Variants in FGF9 observed in about 807,000 individuals in gnomAD.
FGF9 encodes fibroblast growth factor 9.
Under a neutral mutation model 19.9 loss-of-function variants are expected in FGF9, and 3 were observed. That is an observed-to-expected ratio of 0.15 (90% CI 0.07 to 0.39). The LOEUF is 0.39. FGF9 is among the 10% of genes least tolerant of loss of function. FGF9 has a pLI of 1.00. For synonymous variants in FGF9, 107 were observed against 106.9 expected, an observed-to-expected ratio of 1.00 and a Z score of -0.01; for missense variants, 175 against 256.8, an observed-to-expected ratio of 0.68 and a Z score of 2.18.
At chr13:21,676,572 A>G (rs1313571767) in intron 1 of FGF9, among the ~76,000 whole-genome samples, 1 of 152,208 alleles carries the variant, frequency 6.6e-6, no homozygotes, top group Non-Finnish European at 1.5e-5. Context: ...ACAGATCCGA[A>G]CTTACCCCGG....
At chr13:21,680,797 G>A (rs1048976542) in intron 1 of FGF9, among the ~76,000 whole-genome samples, 1 of 152,048 alleles carries the variant, frequency 6.6e-6, no homozygotes, top group South Asian at 2.1e-4. Context: ...TTTTTAAAAT[G>A]TTTTGTTTTT....
At chr13:21,675,380 G>C (rs1871888081) in intron 1 of FGF9, among the ~76,000 whole-genome samples, 1 of 152,066 alleles carries the variant, frequency 6.6e-6, no homozygotes, top group Non-Finnish European at 1.5e-5. Flanking sequence ...GCAGAGCGGT[G>C]GTGCGTGTGC....
At position 21,672,078 on chromosome 13, in the gene FGF9, C is replaced by A; in HGVS notation, c.166C>A (p.His56Asn). 6.2e-7 allele frequency: 1 copy of A among 1,614,184 alleles called. No homozygotes were observed. The highest frequency in any genetic ancestry group is 1.1e-5 in the South Asian group (1 of 91,080). Residue 56 changes from histidine (H) to asparagine (N), a missense_variant, in exon 1 of 3, where the codon CAT (histidine) becomes AAT (asparagine). By Grantham distance (68) the His-to-Asn change is moderately conservative (BLOSUM62 1). Around this residue, in one of 3 missense-constraint regions of FGF9, gnomAD observed 69 missense variants for 73.6 expected, o/e 0.94. Coordinates refer to ENST00000382353, the MANE Select transcript of FGF9 (RefSeq NM_002010.3). The surrounding 1 kb of genome is among the most constrained non-coding windows in gnomAD (Gnocchi z 4.2). ...GGGACCCGCAGTCACGGACTTGGAT[C>A]ATTTAAAGGGGATTCTCAGGCGGAG... ...PRGPAVTDLD[H>N]LKGILRRRQL...
At chr13:21,674,892 G>A (rs563909577) in intron 1 of FGF9, among the ~76,000 whole-genome samples, 1 of 151,620 alleles carries the variant, frequency 6.6e-6, no homozygotes, top group Non-Finnish European at 1.5e-5. Context: ...GGCTACAGTG[G>A]CTCAATAGAA....
chr13:21,695,083 CGTGTGTGTGTGTGT>C lies in FGF9; in HGVS notation c.382-6087_382-6074del, dbSNP rs59076902. ...GAAGATGTGTGCGTGTGTGTGTGTG[CGTGTGTGTGTGTGT>C]GTGTGTGTGTGTGTGTGTGAGAGAG... On this transcript the variant is annotated intron_variant, in intron 2 of 2. Coordinates refer to ENST00000382353, the MANE Select transcript of FGF9 (RefSeq NM_002010.3). 2.1e-4 allele frequency among the ~76,000 whole-genome samples: 29 copies of C among 137,232 alleles called. No individual in the cohort carries two copies. The East Asian group carries it at 2.1e-3, about 10-fold the overall frequency. The allele number at this position is 137,232 out of a possible 152,430, so 90.0% of individuals were successfully genotyped here.
Position 21,701,516 on chromosome 13 carries a change from G to A in FGF9, c.*81G>A, listed in dbSNP as rs934018025. 6.3e-7 allele frequency: 1 copy of A among 1,595,824 alleles called. No individual in the cohort carries two copies. Among genetic ancestry groups the A allele is most frequent in the Non-Finnish European group, 8.6e-7 (1 of 1,164,674 alleles). ...CGCGGTGGGTTCTTATTGATTCGCT[G>A]TGTCATCACATCAGCTCCACTGTTG... is the stretch of plus-strand genomic sequence containing the variant. On this transcript the variant is annotated 3_prime_UTR_variant, in exon 3 of 3. Coordinates refer to ENST00000382353, the MANE Select transcript of FGF9 (RefSeq NM_002010.3).
intron 2 of FGF9, among the ~76,000 whole-genome samples, chr13:21,693,553 A>G (rs1224071989): frequency 6.6e-6 from 1 of 152,074 alleles, no homozygotes; most frequent in African/African-American, 2.4e-5. Context: ...GTGCTATGAC[A>G]TTGCTAACTT....
chr13:21,693,903 G>A (rs558355840), intron 2 of FGF9, among the ~76,000 whole-genome samples: 2 of 152,270 alleles, frequency 1.3e-5, no homozygotes, highest in Non-Finnish European at 2.9e-5. Context: ...GCCCCTCCCT[G>A]CTGCACTGGG....
At chr13:21,674,003 G>A (rs1450861590) in intron 1 of FGF9, 1 of 152,444 alleles carries the variant, frequency 6.6e-6, no homozygotes, top group African/African-American at 2.4e-5. Context: ...CGGCAGGCAG[G>A]GGCTGACACA....
intron 1 of FGF9, among the ~76,000 whole-genome samples, chr13:21,680,181 C>A (rs1872010294): frequency 6.6e-6 from 1 of 152,040 alleles, no homozygotes; most frequent in South Asian, 2.1e-4. Context: ...GCATTCCATG[C>A]CTACTTTAAA....
intron 2 of FGF9, among the ~76,000 whole-genome samples, chr13:21,693,185 G>T (rs188155482): frequency 2.0e-5 from 3 of 152,208 alleles, no homozygotes; most frequent in African/African-American, 7.2e-5. Flanking sequence ...CCACAGTGTT[G>T]AGGAGGGGAA....
chr13:21,680,552 A>G (rs1226286470), intron 1 of FGF9, among the ~76,000 whole-genome samples: 2 of 152,078 alleles, frequency 1.3e-5, no homozygotes, highest in Non-Finnish European at 2.9e-5. Context: ...ACTTAACTTC[A>G]TGTTTATAAA....
At chr13:21,678,041 A>G (rs1375254716) in intron 1 of FGF9, among the ~76,000 whole-genome samples, 1 of 152,196 alleles carries the variant, frequency 6.6e-6, no homozygotes, top group Non-Finnish European at 1.5e-5. Flanking sequence ...TCTTCCCAAC[A>G]GATGGTGAGC....
At chr13:21,685,661 C>T (rs769203772) in intron 2 of FGF9, among the ~76,000 whole-genome samples, 9 of 152,054 alleles carry the variant, frequency 5.9e-5, no homozygotes, top group Non-Finnish European at 1.0e-4. Flanking sequence ...GTGATGAGTG[C>T]AAAGCAATGA....
chr13:21,689,414 G>A (rs914879992), intron 2 of FGF9, among the ~76,000 whole-genome samples: 4 of 151,772 alleles, frequency 2.6e-5, no homozygotes, highest in Admixed American at 6.6e-5. Context: ...AATGTTGAAC[G>A]AATGAATGTA....
intron 2 of FGF9, among the ~76,000 whole-genome samples, chr13:21,690,157 C>T (rs1872252907): frequency 6.6e-6 from 1 of 152,162 alleles, no homozygotes; most frequent in Non-Finnish European, 1.5e-5. Context: ...TGGAAGCTCT[C>T]TGTAATCAGT....
In FGF9 at chr13:21,704,475, T is replaced by C. The variant is rs1325623176; in HGVS notation, c.*3040T>C. On this transcript the variant is annotated 3_prime_UTR_variant, in exon 3 of 3. Transcript: ENST00000382353. Reference sequence around the variant, plus strand: ...TACAGGATTATGTAATTTGTGTAAATACATAATTACAGAGTTTTGAAAACT... The same window carrying C: ...TACAGGATTATGTAATTTGTGTAAACACATAATTACAGAGTTTTGAAAACT... 1.3e-5 allele frequency: 2 copies of C among 152,240 alleles called. No homozygotes were observed. The highest frequency in any genetic ancestry group is 2.9e-5 in the Non-Finnish European group (2 of 68,040). 9.4% of individuals were successfully genotyped at this position (152,240 alleles called of 1,614,324 possible).
chr13:21,685,070 T>C (rs1319562090), intron 2 of FGF9, among the ~76,000 whole-genome samples: 1 of 152,204 alleles, frequency 6.6e-6, no homozygotes, highest in Non-Finnish European at 1.5e-5. Context: ...TCATTTTCAT[T>C]GTGATGAGAT....
At position 21,701,786 on chromosome 13, in the gene FGF9, C is replaced by T. The variant is rs143558251; in HGVS notation, c.*351C>T. 560 of 288,308 alleles carry T rather than the reference C, an allele frequency of 1.9e-3. No individual in the cohort carries two copies. The highest frequency in any genetic ancestry group is 0.011 in the African/African-American group (500 of 45,588). 17.9% of individuals were successfully genotyped at this position (288,308 alleles called of 1,614,324 possible). A position where few individuals can be genotyped will look rare whatever the true frequency, so the allele number is the denominator to read the frequency against. On this transcript the variant is annotated 3_prime_UTR_variant, in exon 3 of 3. Coordinates refer to ENST00000382353, the MANE Select transcript of FGF9 (RefSeq NM_002010.3). ...GGGCGGAGCGAGAGCAAAAGGACTG[C>T]GGCCTGATGCATGCTGGAAAAAGAC...
Sources: allele counts gnomAD v4.1 joint callset (sites outside exome capture counted in the v4.1 genomes callset), GRCh38; gene constraint gnomAD v4.1.1; regional missense constraint gnomAD v4.1.1; non-coding constraint Gnocchi (gnomAD v3.1); transcripts MANE v1.5; gene names NCBI Gene and HGNC (gene_info 2026-07-23, HGNC 2026-07-21).